The following HSCB variants were observed in gnomAD, a reference collection of about 807,000 sequenced individuals.
HSCB encodes HscB mitochondrial iron-sulfur cluster cochaperone.
HSCB carries 23 observed loss-of-function variants against 31.3 expected under a neutral mutation model. The ratio of observed to expected loss-of-function variants is 0.74; its 90% CI spans 0.53 to 1.04. The LOEUF is 1.04. Among genes scored for constraint, HSCB ranks in the 50% least tolerant of loss-of-function variants. The pLI is 0.00. For missense variants in HSCB, 297 were observed against 288.1 expected (o/e 1.03, Z -0.22); for synonymous variants, 110 against 104.5 (o/e 1.05, Z -0.32).
chr22:28,750,124 C>T (rs920050067), intron 4 of HSCB, among the ~76,000 whole-genome samples: 1 of 151,734 alleles, frequency 6.6e-6, no homozygotes, highest in African/African-American at 2.4e-5. Flanking sequence ...TGGCACACAC[C>T]TATAATCCCA....
chr22:28,754,198 C>T (rs1250024935), intron 5 of HSCB, among the ~76,000 whole-genome samples: 1 of 152,026 alleles, frequency 6.6e-6, no homozygotes, highest in African/African-American at 2.4e-5. Context: ...GGACATTGTA[C>T]TATGTGAAAT....
rs895749206 is a variant in HSCB, at chr22:28,746,102, C to T, written c.568+94C>T. ...AATGAACGTAGAGTATATAATGGCCCGGGTGCAGTGGCTCACGCCTATAAT... is the reference window on the plus strand; with the variant it reads ...AATGAACGTAGAGTATATAATGGCCTGGGTGCAGTGGCTCACGCCTATAAT... On this transcript the variant is annotated intron_variant, in intron 4 of 5. Transcript: ENST00000216027. 1.8e-5 allele frequency: 23 copies of T among 1,264,096 alleles called. No individual in the cohort carries two copies. In the Admixed American group the frequency reaches 2.9e-4, roughly 16 times the overall value. 78.3% of individuals were successfully genotyped at this position (1,264,096 alleles called of 1,614,324 possible).
At chr22:28,748,172 G>A (rs148044028) in intron 4 of HSCB, among the ~76,000 whole-genome samples, 1,988 of 152,232 alleles carry the variant, frequency 0.013, 48 homozygotes, top group African/African-American at 0.043. Flanking sequence ...GTGACAGAGC[G>A]AGACTCCGAA....
At chr22:28,747,355 G>A (rs995572133) in intron 4 of HSCB, among the ~76,000 whole-genome samples, 6 of 152,030 alleles carry the variant, frequency 3.9e-5, no homozygotes, top group Middle Eastern at 3.2e-3. Context: ...AGGCTGGAGC[G>A]CAGTGTTGCA....
intron 2 of HSCB, 59 bp downstream of exon 2, chr22:28,744,037 G>A (rs2054641770): frequency 2.4e-6 from 3 of 1,261,644 alleles, no homozygotes; most frequent in East Asian, 4.6e-5. Context: ...GGTGGCAGTA[G>A]CCTTGTGGTT....
At chr22:28,754,870 A>G (rs939583319) in intron 5 of HSCB, among the ~76,000 whole-genome samples, 26 of 150,106 alleles carry the variant, frequency 1.7e-4, no homozygotes, top group African/African-American at 6.1e-4. Flanking sequence ...ATCTCAGCTC[A>G]CTGCAACCTC....
intron 3 of HSCB, 67 bp downstream of exon 3, chr22:28,744,771 G>A (rs1035634731): frequency 9.7e-6 from 12 of 1,232,954 alleles, no homozygotes; most frequent in East Asian, 4.6e-5. Context: ...GGACAGCCAC[G>A]TCCCCTTTAT....
In HSCB at chr22:28,742,202, G is replaced by T; in HGVS notation, c.107G>T (p.Ser36Ile). ...LSCDAASQAG[S>I]NYPRCWNCGG... ...TGCGATGCTGCGTCGCAGGCGGGAA[G>T]CAATTATCCCCGCTGTTGGAACTGC... Residue 36 changes from serine (S) to isoleucine (I), a missense_variant, in exon 1 of 6, where the codon AGC (serine) becomes ATC (isoleucine). By Grantham distance (142) the Ser-to-Ile change is moderately radical (BLOSUM62 -2). Transcript: ENST00000216027. The T allele has an allele frequency of 6.2e-7, 1 of 1,613,934 alleles. No individual in the cohort carries two copies. Among genetic ancestry groups the T allele is most frequent in the South Asian group, 1.1e-5 (1 of 91,056 alleles).
intron 3 of HSCB, among the ~76,000 whole-genome samples, chr22:28,745,016 A>G (rs1290153175): frequency 6.6e-6 from 1 of 151,462 alleles, no homozygotes; most frequent in East Asian, 2.0e-4. Context: ...CTGAGAGGTC[A>G]AGGCTGCAGT....
intron 4 of HSCB, among the ~76,000 whole-genome samples, chr22:28,749,881 C>T (rs1057456453): frequency 6.6e-6 from 1 of 152,046 alleles, no homozygotes. Context: ...GCCTCAATTT[C>T]CTCATCTGTA....
chr22:28,746,028 T>C lies in HSCB; in HGVS notation c.568+20T>C, dbSNP rs948954648. The C allele has an allele frequency of 1.2e-6, 2 of 1,603,260 alleles. No homozygotes were observed. Among genetic ancestry groups the C allele is most frequent in the Admixed American group, 3.4e-5 (2 of 58,332 alleles). ...TCAAAGGTGAAAGATAAAATAGCAC[T>C]GAATGTATTTCATTGCTGTTATGAA... On this transcript the variant is annotated intron_variant, in intron 4 of 5. Transcript: ENST00000216027.
intron 4 of HSCB, among the ~76,000 whole-genome samples, chr22:28,747,694 T>C (rs1430753091): frequency 6.6e-6 from 1 of 152,172 alleles, no homozygotes; most frequent in Non-Finnish European, 1.5e-5. Context: ...ATTCCAAGGT[T>C]CTCCGTTAGA....
chr22:28,748,502 G>A lies in HSCB; in HGVS notation c.568+2494G>A, dbSNP rs554574362. ...ACTGGAATCTTTTTGAAACCCAAGC[G>A]TTTTTTTTTGTTGTTTTGTTTTGTT... On this transcript the variant is annotated intron_variant, in intron 4 of 5. Coordinates refer to ENST00000216027, the MANE Select transcript of HSCB (RefSeq NM_172002.5). 3.0e-4 allele frequency among the ~76,000 whole-genome samples: 44 copies of A among 148,526 alleles called. No homozygotes were observed. The East Asian group carries it at 3.4e-3, about 11-fold the overall frequency.
At chr22:28,742,380 G>A (rs1294749942) in intron 1 of HSCB, 49 bp downstream of exon 1, 3 of 1,596,564 alleles carry the variant, frequency 1.9e-6, no homozygotes, top group Middle Eastern at 1.7e-4. Context: ...GACACGTCGA[G>A]GTCTGGCCTG....
At chr22:28,744,764 C>T in intron 3 of HSCB, 60 bp downstream of exon 3, 1 of 1,267,524 alleles carries the variant, frequency 7.9e-7, no homozygotes, top group Non-Finnish European at 1.2e-6. Flanking sequence ...TGGCGTAGGA[C>T]AGCCACGTCC....
chr22:28,743,624 A>C (rs1169526447), intron 1 of HSCB, among the ~76,000 whole-genome samples: 1 of 152,056 alleles, frequency 6.6e-6, no homozygotes, highest in Non-Finnish European at 1.5e-5. Context: ...TTGCTCTTGC[A>C]ATTCTACCTG....
chr22:28,755,074 G>A (rs1324645815), intron 5 of HSCB, among the ~76,000 whole-genome samples: 66 of 148,698 alleles, frequency 4.4e-4, no homozygotes, highest in African/African-American at 7.3e-4. Context: ...GATTACAGGC[G>A]TGAGCCACCG....
intron 3 of HSCB, 69 bp downstream of exon 3, chr22:28,744,773 C>G: frequency 8.3e-7 from 1 of 1,206,530 alleles, no homozygotes; most frequent in Non-Finnish European, 1.2e-6. Context: ...ACAGCCACGT[C>G]CCCTTTATTC....
At chr22:28,742,393 A>G in intron 1 of HSCB, 62 bp downstream of exon 1, 1 of 1,585,498 alleles carries the variant, frequency 6.3e-7, no homozygotes, top group Non-Finnish European at 8.6e-7. Context: ...CTGGCCTGCG[A>G]GAGGGGAGGA....
Sources: gnomAD v4.1 joint callset for allele counts (sites outside exome capture counted in the v4.1 genomes callset) on GRCh38, gnomAD v4.1.1 for gene constraint, MANE v1.5 for transcripts, NCBI Gene and HGNC (gene_info 2026-07-23, HGNC 2026-07-21) for gene names.